Variants in TBPL1 observed in about 807,000 individuals in gnomAD.
TBPL1 encodes TATA-box binding protein like 1.
Under a neutral mutation model 22.1 loss-of-function variants are expected in TBPL1, and 4 were observed. The observed-to-expected ratio is 0.18, with a 90% CI of 0.09 to 0.41. The LOEUF (loss-of-function observed/expected upper bound fraction) is 0.41. Among genes scored for constraint, TBPL1 ranks in the 10% least tolerant of loss-of-function variants. TBPL1 has a pLI of 1.00. For missense variants in TBPL1, 115 were observed against 222.3 expected (o/e 0.52, Z 3.07); for synonymous variants, 64 against 71.0 (o/e 0.90, Z 0.50).
intron 1 of TBPL1, among the ~76,000 whole-genome samples, chr6:133,966,154 A>C (rs1385822411): frequency 6.6e-6 from 1 of 152,138 alleles, no homozygotes; most frequent in Non-Finnish European, 1.5e-5. Context: ...TTGCTTTTTA[A>C]TAACCTCAAG....
intron 1 of TBPL1, among the ~76,000 whole-genome samples, chr6:133,969,399 A>T (rs1776179688): frequency 6.6e-6 from 1 of 152,106 alleles, no homozygotes; most frequent in Non-Finnish European, 1.5e-5. Flanking sequence ...ATTCACATGA[A>T]TGCTACCTGC....
intron 1 of TBPL1, among the ~76,000 whole-genome samples, chr6:133,963,997 T>C (rs2327436): frequency 0.52 from 79,190 of 151,668 alleles, 21,924 homozygotes; most frequent in Non-Finnish European, 0.64. Flanking sequence ...GCCGAGATCG[T>C]GACACTGCAC....
chr6:133,980,313 A>G lies in TBPL1; in HGVS notation c.135+53A>G, dbSNP rs115837761. 151 of 1,516,412 alleles carry G rather than the reference A, an allele frequency of 1.0e-4. No individual in the cohort carries two copies. In the Middle Eastern group the frequency reaches 2.4e-3, roughly 24 times the overall value. 93.9% of individuals were successfully genotyped at this position (1,516,412 alleles called of 1,614,324 possible). A position where few individuals can be genotyped will look rare whatever the true frequency, so the allele number is the denominator to read the frequency against. On this transcript the variant is annotated intron_variant, in intron 2 of 6. Transcript: ENST00000237264. ...CTACATAGCCTAATTTTATAGTTCTATGACTAATACTAAAATGTATTCATT... is the reference window on the plus strand; with the variant it reads ...CTACATAGCCTAATTTTATAGTTCTGTGACTAATACTAAAATGTATTCATT...
chr6:133,990,114 TAGAAA>T lies in TBPL1; in HGVS notation c.*3079_*3083del, dbSNP rs562056766. On this transcript the variant is annotated 3_prime_UTR_variant, in exon 7 of 7. Coordinates refer to ENST00000237264, the MANE Select transcript of TBPL1 (RefSeq NM_004865.4). ...ACGTTGCTGGTACAGGTGGCCATCA[TAGAAA>T]AGAACATGAGGGAATTGTCCTGATG... 3.9e-5 allele frequency: 6 copies of T among 152,808 alleles called. No homozygotes were observed. In the South Asian group the frequency reaches 1.2e-3, roughly 32 times the overall value. 9.5% of individuals were successfully genotyped at this position (152,808 alleles called of 1,614,324 possible).
At chr6:133,977,780 G>A (rs1375007945) in intron 1 of TBPL1, among the ~76,000 whole-genome samples, 1 of 147,146 alleles carries the variant, frequency 6.8e-6, no homozygotes, top group Non-Finnish European at 1.5e-5. Context: ...CAGCGTCAGG[G>A]GCCAGGCTGC....
rs1776543776 is a variant in TBPL1 at position 133,987,224 on chromosome 6, G to A, written c.*184G>A. 4.7e-6 allele frequency: 2 copies of A among 424,348 alleles called. No individual in the cohort carries two copies. The highest frequency in any genetic ancestry group is 4.3e-5 in the Admixed American group (1 of 23,324). 26.3% of individuals were successfully genotyped at this position (424,348 alleles called of 1,614,324 possible). The stretch of plus-strand genomic sequence containing the variant: ...AAACCTTGCTGTAATATAAAAGGAA[G>A]TTTACAAGACATGATATTGCTGCTT... On this transcript the variant is annotated 3_prime_UTR_variant, in exon 7 of 7. Coordinates refer to ENST00000237264, the MANE Select transcript of TBPL1 (RefSeq NM_004865.4).
intron 2 of TBPL1, 39 bp from the exon 3 acceptor site, chr6:133,982,529 A>G (rs1329061056): frequency 1.3e-6 from 2 of 1,571,836 alleles, no homozygotes; most frequent in Non-Finnish European, 1.7e-6. Flanking sequence ...TATGTGAAAA[A>G]TAATGCTTAT....
At chr6:133,957,414 T>G (rs912324601) in intron 1 of TBPL1, among the ~76,000 whole-genome samples, 1 of 152,238 alleles carries the variant, frequency 6.6e-6, no homozygotes, top group African/African-American at 2.4e-5. Context: ...GACATCTGTG[T>G]GTAGACATTG....
intron 1 of TBPL1, among the ~76,000 whole-genome samples, chr6:133,971,987 C>A (rs185884266): frequency 3.2e-4 from 49 of 152,238 alleles, no homozygotes; most frequent in African/African-American, 1.1e-3. Context: ...AGCAGTAATA[C>A]AGCATTTTTT....
chr6:133,961,822 G>A (rs913109351), intron 1 of TBPL1, among the ~76,000 whole-genome samples: 1 of 152,136 alleles, frequency 6.6e-6, no homozygotes, highest in African/African-American at 2.4e-5. Context: ...CATTGCTCCT[G>A]AAGTTTCTCT....
rs148816328 is a variant in TBPL1 at position 133,982,825 on chromosome 6, A to C, written c.227A>C (p.Glu76Ala). Residue 76 changes from glutamate to alanine, a missense_variant, in exon 4 of 7, where the codon GAA (glutamate) becomes GCA (alanine). Physicochemically the swap from Glu to Ala is moderately radical, Grantham distance 107. Transcript: ENST00000237264. ...TTTCCTTAAAACCGTAGTGAAGAAGAAGCTAAATTTGGTGCCAGACGCTTA... is the reference window on the plus strand; with the variant it reads ...TTTCCTTAAAACCGTAGTGAAGAAGCAGCTAAATTTGGTGCCAGACGCTTA... ...IICTGATSEEEAKFGARRLAR... is the reference protein window; with the variant it reads ...IICTGATSEEAAKFGARRLAR... 1.1e-5 allele frequency: 18 copies of C among 1,611,070 alleles called. No homozygotes were observed. The African/African-American group carries it at 1.3e-4, about 12-fold the overall frequency.
chr6:133,982,301 A>G (rs139140111), intron 2 of TBPL1, among the ~76,000 whole-genome samples: 12 of 152,342 alleles, frequency 7.9e-5, no homozygotes, highest in Non-Finnish European at 1.6e-4. Context: ...TGAATTGTTT[A>G]TATACTTGGA....
intron 5 of TBPL1, 29 bp from the exon 6 acceptor site, chr6:133,984,548 T>G (rs1776474726): frequency 6.2e-7 from 1 of 1,609,848 alleles, no homozygotes; most frequent in African/African-American, 1.3e-5. Flanking sequence ...GTATAAATAT[T>G]TATATTAATT....
rs60174070 is a variant in TBPL1, at chr6:133,985,337, T to TAC, written c.481+672_481+673dup. ...ATATATATATATATATATATATATA[T>TAC]ACACACATATATTTTCTGGTATATG... On this transcript the variant is annotated intron_variant, in intron 6 of 6. Coordinates refer to ENST00000237264, the MANE Select transcript of TBPL1 (RefSeq NM_004865.4). Among the ~76,000 whole-genome samples, 43 of 55,032 alleles carry TAC rather than the reference T, an allele frequency of 7.8e-4. 6 individuals are homozygous for TAC. The highest frequency in any genetic ancestry group is 2.6e-3 in the East Asian group (6 of 2,276). 36.1% of individuals were successfully genotyped at this position (55,032 alleles called of 152,430 possible). A position where few individuals can be genotyped will look rare whatever the true frequency, so the allele number is the denominator to read the frequency against.
chr6:133,983,311 C>CAT (rs1359187899), intron 4 of TBPL1, among the ~76,000 whole-genome samples: 1 of 152,190 alleles, frequency 6.6e-6, no homozygotes, highest in East Asian at 1.9e-4. Flanking sequence ...ATGTCAGCCT[C>CAT]ATCACTATAA....
At chr6:133,967,358 T>TTTA in intron 1 of TBPL1, among the ~76,000 whole-genome samples, 1 of 152,336 alleles carries the variant, frequency 6.6e-6, no homozygotes, top group South Asian at 2.1e-4. Flanking sequence ...GTTAATATTC[T>TTTA]TTATATATTA....
rs1428562991 is a variant in TBPL1 at position 133,986,527 on chromosome 6, A to G, written c.482-434A>G. Among the ~76,000 whole-genome samples the G allele has an allele frequency of 3.3e-5, 5 of 152,294 alleles. No homozygotes were observed. The East Asian group carries it at 9.6e-4, about 29-fold the overall frequency. ...TTTTAAACCAGCATTCTGGTTTCCC[A>G]ACATTTTGGTAGCAGCTTTGTTTCA... On this transcript the variant is annotated intron_variant, in intron 6 of 6. Transcript: ENST00000237264.
At chr6:133,961,019 A>G (rs1376204534) in intron 1 of TBPL1, among the ~76,000 whole-genome samples, 1 of 152,248 alleles carries the variant, frequency 6.6e-6, no homozygotes, top group African/African-American at 2.4e-5. Flanking sequence ...ACCTAAAACC[A>G]TTAGTAACTT....
chr6:133,981,969 T>C (rs1180075362), intron 2 of TBPL1, among the ~76,000 whole-genome samples: 1 of 152,228 alleles, frequency 6.6e-6, no homozygotes, highest in Non-Finnish European at 1.5e-5. Flanking sequence ...TTATTCAAGA[T>C]GCCGATGTTG....
Sources: allele counts gnomAD v4.1 joint callset (sites outside exome capture counted in the v4.1 genomes callset), GRCh38; gene constraint gnomAD v4.1.1; transcripts MANE v1.5; gene names NCBI Gene and HGNC (gene_info 2026-07-23, HGNC 2026-07-21).